RSF1: variants seen among roughly 807,000 people sequenced by gnomAD.
RSF1 encodes the protein remodeling and spacing factor 1, also known as HBV pX-associated protein 8.
A neutral mutation model predicts 145.2 loss-of-function variants in RSF1; 13 were observed. The observed-to-expected ratio is 0.09, with a 90% CI of 0.06 to 0.14. The LOEUF (loss-of-function observed/expected upper bound fraction) is 0.14. RSF1 is among the 10% of genes least tolerant of loss of function. The pLI is 1.00. For synonymous variants in RSF1, 577 were observed against 592.6 expected, an observed-to-expected ratio of 0.97 and a Z score of 0.38; for missense variants, 1,517 against 1,718.2, an observed-to-expected ratio of 0.88 and a Z score of 2.07.
At chr11:77,713,227 A>ATGTATAG (rs1424871416) in intron 5 of RSF1, among the ~76,000 whole-genome samples, 1 of 152,206 alleles carries the variant, frequency 6.6e-6, no homozygotes, top group Middle Eastern at 3.2e-3. Flanking sequence ...ATTCACGAGA[A>ATGTATAG]GATTCCTATA....
chr11:77,846,621 G>A, the RSF1 span, among the ~76,000 whole-genome samples: 5 of 152,180 alleles, frequency 3.3e-5, no homozygotes, highest in South Asian at 2.1e-4. Context: ...CAGGAGAATC[G>A]CTTGAACCCG....
In RSF1 at chr11:77,677,007, TG is replaced by T. The variant is rs760734172; in HGVS notation, c.3134-9del. On this transcript the variant is annotated splice_polypyrimidine_tract_variant and intron_variant, in intron 12 of 15. Transcript: ENST00000308488. ...CTTTTCCTCGGCCAACTCCTGAATT[TG>T]GGGGAGGGAAGTTCGGGGAGAGAAA... 1 of 1,610,660 alleles carries T rather than the reference TG, an allele frequency of 6.2e-7. No individual in the cohort carries two copies. Among genetic ancestry groups the T allele is most frequent in the South Asian group, 1.1e-5 (1 of 90,554 alleles).
In RSF1 at chr11:77,789,938, C is replaced by T. The variant is rs567772025; in HGVS notation, c.188-25249G>A. Among the ~76,000 whole-genome samples the T allele has an allele frequency of 6.3e-4, 96 of 152,304 alleles. 2 individuals are homozygous for T. In the South Asian group the frequency reaches 0.018, roughly 29 times the overall value. On this transcript the variant is annotated intron_variant, in intron 1 of 15. Coordinates refer to ENST00000308488, the MANE Select transcript of RSF1 (RefSeq NM_016578.4). The stretch of plus-strand genomic sequence containing the variant: ...ACCACAGCTGTAACCTACCTGCAGA[C>T]GCCACCTGCAGGCCTTGGGAGTGGC...
chr11:77,710,104 CTAA>C (rs1346754376), intron 5 of RSF1, among the ~76,000 whole-genome samples: 2 of 152,060 alleles, frequency 1.3e-5, no homozygotes, highest in African/African-American at 4.8e-5. Flanking sequence ...CATGCCTTTT[CTAA>C]TAATAATTCT....
chr11:77,779,020 C>A (rs1219969715), intron 1 of RSF1, among the ~76,000 whole-genome samples: 3 of 152,148 alleles, frequency 2.0e-5, no homozygotes, highest in East Asian at 1.9e-4. Flanking sequence ...TCTCAGCTCA[C>A]TGCAGCATCC....
intron 7 of RSF1, among the ~76,000 whole-genome samples, chr11:77,696,856 C>T (rs1378710978): frequency 6.6e-6 from 1 of 152,178 alleles, no homozygotes; most frequent in Non-Finnish European, 1.5e-5. Flanking sequence ...TCAAGTCATT[C>T]TCTGGTTCTA....
chr11:77,864,593 C>T, the RSF1 span, among the ~76,000 whole-genome samples: 60,565 of 151,928 alleles, frequency 0.4, 12,639 homozygotes, highest in African/African-American at 0.51. Flanking sequence ...AAGGTTCATA[C>T]TGGAAGCAGC....
chr11:77,806,144 A>C (rs1410007892), intron 1 of RSF1, among the ~76,000 whole-genome samples: 1 of 152,080 alleles, frequency 6.6e-6, no homozygotes, highest in Non-Finnish European at 1.5e-5. Flanking sequence ...CCCCAAAAGA[A>C]TTGTTTCAGA....
At chr11:77,840,892 T>G in the RSF1 span, 2 of 308,736 alleles carry the variant, frequency 6.5e-6, no homozygotes, top group East Asian at 1.0e-4. Flanking sequence ...TGTGTGGGGG[T>G]TTAGCCATTT....
intron 5 of RSF1, among the ~76,000 whole-genome samples, chr11:77,711,342 C>T (rs934201146): frequency 6.6e-6 from 1 of 151,962 alleles, no homozygotes; most frequent in Non-Finnish European, 1.5e-5. Flanking sequence ...AATACTGATA[C>T]CATTACCAAT....
intron 8 of RSF1, among the ~76,000 whole-genome samples, chr11:77,692,654 T>C (rs1204650549): frequency 1.3e-5 from 2 of 149,528 alleles, no homozygotes; most frequent in African/African-American, 4.9e-5. Context: ...GCTGGGACTA[T>C]ACCTATGTGC....
At chr11:77,682,054 CATGTT>C (rs1959876404) in intron 11 of RSF1, among the ~76,000 whole-genome samples, 1 of 152,056 alleles carries the variant, frequency 6.6e-6, no homozygotes, top group South Asian at 2.1e-4. Context: ...TTTAAAAATA[CATGTT>C]ATGTTGCAGC....
At chr11:77,668,559 A>G (rs930010305) in intron 15 of RSF1, among the ~76,000 whole-genome samples, 2 of 152,200 alleles carry the variant, frequency 1.3e-5, no homozygotes, top group Non-Finnish European at 2.9e-5. Context: ...CCCCCTATCC[A>G]TTAATTTAAC....
At chr11:77,840,476 C>A in the RSF1 span, among the ~76,000 whole-genome samples, 2 of 152,168 alleles carry the variant, frequency 1.3e-5, no homozygotes. Flanking sequence ...TTGCAGTGAG[C>A]CAAGATCGCA....
At chr11:77,832,619 C>T in the RSF1 span, among the ~76,000 whole-genome samples, 1 of 152,024 alleles carries the variant, frequency 6.6e-6, no homozygotes, top group African/African-American at 2.4e-5. Context: ...AGCCACCGCG[C>T]CTGGCCATAG....
chr11:77,663,740 G>C lies in RSF1; in HGVS notation c.*3177C>G, dbSNP rs1959291823. The C allele has an allele frequency of 6.6e-6, 1 of 152,168 alleles. No individual in the cohort carries two copies. Among genetic ancestry groups the C allele is most frequent in the South Asian group, 2.1e-4 (1 of 4,828 alleles). The allele number at this position is 152,168 out of a possible 1,614,324, so 9.4% of individuals were successfully genotyped here. A position where few individuals can be genotyped will look rare whatever the true frequency, so the allele number is the denominator to read the frequency against. On this transcript the variant is annotated 3_prime_UTR_variant, in exon 16 of 16. Coordinates refer to ENST00000308488, the MANE Select transcript of RSF1 (RefSeq NM_016578.4). ...GATGTACAAAACCAAAACGTTTTCA[G>C]TCTGCGTCCTTTTCACACATATTTC... is the stretch of plus-strand genomic sequence containing the variant.
At chr11:77,806,764 A>G (rs888618825) in intron 1 of RSF1, among the ~76,000 whole-genome samples, 3 of 152,172 alleles carry the variant, frequency 2.0e-5, no homozygotes, top group African/African-American at 7.2e-5. Context: ...TCATTAAAAA[A>G]ACAAAAATTA....
At chr11:77,772,719 T>C (rs541800075) in intron 1 of RSF1, among the ~76,000 whole-genome samples, 1 of 152,206 alleles carries the variant, frequency 6.6e-6, no homozygotes, top group South Asian at 2.1e-4. Flanking sequence ...ATTTATTTAT[T>C]TGCCTTATAA....
chr11:77,689,538 T>G (rs1473222330), intron 9 of RSF1, among the ~76,000 whole-genome samples: 1 of 152,242 alleles, frequency 6.6e-6, no homozygotes, highest in Non-Finnish European at 1.5e-5. Context: ...CCAAATCCTA[T>G]GAGAACTAAA....
Sources: allele counts gnomAD v4.1 joint callset (sites outside exome capture counted in the v4.1 genomes callset), GRCh38; gene constraint gnomAD v4.1.1; transcripts MANE v1.5; gene names NCBI Gene and HGNC (gene_info 2026-07-23, HGNC 2026-07-21).